The following SLC10A7 variants were observed in gnomAD, a reference collection of about 807,000 sequenced individuals.
SLC10A7 encodes solute carrier family 10 member 7, also known as sodium/bile acid cotransporter 7.
In SLC10A7, 29 loss-of-function variants were observed where a neutral mutation model predicts 43.2. That is an observed-to-expected ratio of 0.67 (90% confidence interval 0.50 to 0.92). The LOEUF (loss-of-function observed/expected upper bound fraction) is 0.92. Among genes scored for constraint, SLC10A7 ranks in the 40% least tolerant of loss-of-function variants. SLC10A7 has a pLI of 0.00. For synonymous variants in SLC10A7, 152 were observed against 144.8 expected, an observed-to-expected ratio of 1.05 and a Z score of -0.35; for missense variants, 295 against 403.2, an observed-to-expected ratio of 0.73 and a Z score of 2.30.
Position 146,293,725 on chromosome 4 carries a change from G to A in SLC10A7, c.721+205C>T, listed in dbSNP as rs375095495. 1.8e-4 allele frequency among the ~76,000 whole-genome samples: 27 copies of A among 152,132 alleles called. 1 individual carries two copies. In the East Asian group the frequency reaches 2.1e-3, roughly 12 times the overall value. On this transcript the variant is annotated intron_variant, in intron 8 of 11. Transcript: ENST00000335472. ...TAAATCAGAAAATGGGGCAGCAGAC[G>A]CAAAAACAAAGGAAATTACGATATA...
Position 146,487,321 on chromosome 4 carries a change from C to T in SLC10A7, c.396+16528G>A, listed in dbSNP as rs1254288617. Among the ~76,000 whole-genome samples the T allele has an allele frequency of 2.0e-5, 3 of 152,310 alleles. No individual in the cohort carries two copies. The East Asian group carries it at 5.8e-4, about 29-fold the overall frequency. On this transcript the variant is annotated intron_variant, in intron 4 of 11. Coordinates refer to ENST00000335472, the MANE Select transcript of SLC10A7 (RefSeq NM_001029998.6). ...TTACACTCACCTGTTGTTTATGTTT[C>T]TGCCAATTTCCCCCCAGTTCATTAC...
At chr4:146,484,721 G>C (rs1734771378) in intron 4 of SLC10A7, among the ~76,000 whole-genome samples, 3 of 151,936 alleles carry the variant, frequency 2.0e-5, no homozygotes, top group Non-Finnish European at 4.4e-5. Context: ...TAAATAAAAG[G>C]GAAAATAAAG....
intron 2 of SLC10A7, among the ~76,000 whole-genome samples, chr4:146,511,975 T>TC (rs1737516780): frequency 6.9e-6 from 1 of 144,664 alleles, no homozygotes; most frequent in Admixed American, 6.9e-5. Flanking sequence ...TACTCTTTTT[T>TC]TTTTTTTTTT....
chr4:146,304,925 TG>T (rs1171916338), intron 7 of SLC10A7, among the ~76,000 whole-genome samples: 1 of 152,066 alleles, frequency 6.6e-6, no homozygotes, highest in Non-Finnish European at 1.5e-5. Context: ...TTTATGAATC[TG>T]GGTGCTCCTG....
intron 5 of SLC10A7, among the ~76,000 whole-genome samples, chr4:146,384,718 C>T (rs1023240035): frequency 6.6e-6 from 1 of 151,938 alleles, no homozygotes; most frequent in African/African-American, 2.4e-5. Context: ...GTTTTGTCCC[C>T]TCCAAATCTT....
chr4:146,381,622 T>G (rs547692264), intron 5 of SLC10A7, among the ~76,000 whole-genome samples: 3 of 152,242 alleles, frequency 2.0e-5, no homozygotes, highest in Admixed American at 1.3e-4. Flanking sequence ...CTGCACTCTG[T>G]CAATGCCACT....
At position 146,519,091 on chromosome 4, in the gene SLC10A7, ATATATATATATATATATATAT is replaced by A. The variant is rs1294032626; in HGVS notation, c.101-1992_101-1972del. 2.9e-3 allele frequency among the ~76,000 whole-genome samples: 346 copies of A among 119,834 alleles called. 14 individuals are homozygous for A. Among genetic ancestry groups the A allele is most frequent in the African/African-American group, 0.01 (314 of 31,198 alleles). 78.6% of individuals were successfully genotyped at this position (119,834 alleles called of 152,430 possible). ...CATATATATATATATATATATATAT[ATATATATATATATATATATAT>A]AATATAATATATAATTAATATATAT... On this transcript the variant is annotated intron_variant, in intron 1 of 11. Transcript: ENST00000335472.
At chr4:146,284,413 G>A (rs1447707285) in intron 9 of SLC10A7, among the ~76,000 whole-genome samples, 2 of 152,022 alleles carry the variant, frequency 1.3e-5, no homozygotes, top group East Asian at 1.9e-4. Context: ...TGTTTTTCTT[G>A]TTGTATACCC....
At chr4:146,264,543 G>T (rs965830174) in intron 10 of SLC10A7, among the ~76,000 whole-genome samples, 1 of 152,044 alleles carries the variant, frequency 6.6e-6, no homozygotes, top group Non-Finnish European at 1.5e-5. Context: ...AGGTGGTAGG[G>T]ATATCAGGAG....
intron 5 of SLC10A7, among the ~76,000 whole-genome samples, chr4:146,347,550 T>C (rs1395252875): frequency 6.6e-6 from 1 of 152,190 alleles, no homozygotes; most frequent in African/African-American, 2.4e-5. Flanking sequence ...CTTAAGACTG[T>C]CCAAATCTTC....
intron 5 of SLC10A7, among the ~76,000 whole-genome samples, chr4:146,398,402 C>A (rs1738987991): frequency 6.6e-6 from 1 of 152,014 alleles, no homozygotes; most frequent in Admixed American, 6.6e-5. Flanking sequence ...GAAGTAGTAT[C>A]AAAAAGATTC....
chr4:146,354,629 C>A (rs564783262), intron 5 of SLC10A7, among the ~76,000 whole-genome samples: 1 of 150,922 alleles, frequency 6.6e-6, no homozygotes, highest in East Asian at 2.0e-4. Flanking sequence ...CACTACCTGA[C>A]TTCAAACTAT....
rs150650871 is a variant in SLC10A7, at chr4:146,307,592, T to C, written c.472-1583A>G. Among the ~76,000 whole-genome samples the C allele has an allele frequency of 3.9e-3, 598 of 152,222 alleles. 2 individuals carry two copies. The highest frequency in any genetic ancestry group is 0.013 in the African/African-American group (547 of 41,558). On this transcript the variant is annotated intron_variant, in intron 6 of 11. Transcript: ENST00000335472. ...AAGGACTGAAATAAAGAAAAAAATATATTTTACTGAGAAATGAGGCACTGG... is the reference window on the plus strand; with the variant it reads ...AAGGACTGAAATAAAGAAAAAAATACATTTTACTGAGAAATGAGGCACTGG...
chr4:146,374,596 A>G (rs1579023725), intron 5 of SLC10A7, among the ~76,000 whole-genome samples: 1 of 144,266 alleles, frequency 6.9e-6, no homozygotes, highest in South Asian at 2.2e-4. Flanking sequence ...CAAAAAAAAT[A>G]TATACATATA....
At chr4:146,394,401 C>T (rs1738662856) in intron 5 of SLC10A7, among the ~76,000 whole-genome samples, 1 of 152,112 alleles carries the variant, frequency 6.6e-6, no homozygotes. Flanking sequence ...GCTCTGTTGC[C>T]CAGGCTGTAG....
chr4:146,347,023 A>T (rs1734669711), intron 5 of SLC10A7, among the ~76,000 whole-genome samples: 1 of 152,142 alleles, frequency 6.6e-6, no homozygotes, highest in African/African-American at 2.4e-5. Flanking sequence ...GGTTAAGGAA[A>T]GGCTGCTTAC....
At chr4:146,312,157 C>A (rs1732026474) in intron 6 of SLC10A7, among the ~76,000 whole-genome samples, 2 of 152,104 alleles carry the variant, frequency 1.3e-5, no homozygotes, top group Non-Finnish European at 2.9e-5. Context: ...TATTTATATG[C>A]ACAGTCTTTT....
intron 10 of SLC10A7, among the ~76,000 whole-genome samples, chr4:146,269,879 T>G (rs1178232124): frequency 6.6e-6 from 1 of 152,204 alleles, no homozygotes; most frequent in Non-Finnish European, 1.5e-5. Flanking sequence ...AGTTAAAAAG[T>G]AAATGTGAGT....
intron 6 of SLC10A7, among the ~76,000 whole-genome samples, chr4:146,323,461 C>A (rs1006813140): frequency 6.6e-6 from 1 of 152,142 alleles, no homozygotes; most frequent in African/African-American, 2.4e-5. Context: ...CCAGTTTTCC[C>A]AGCACCATTT....
Sources: gnomAD v4.1 joint callset for allele counts (sites outside exome capture counted in the v4.1 genomes callset) on GRCh38, gnomAD v4.1.1 for gene constraint, MANE v1.5 for transcripts, NCBI Gene and HGNC (gene_info 2026-07-23, HGNC 2026-07-21) for gene names.